The following MAST4 variants were observed in gnomAD, a reference collection of about 807,000 sequenced individuals.
The protein encoded by MAST4 is microtubule-associated serine/threonine-protein kinase 4.
A neutral mutation model predicts 162.7 loss-of-function variants in MAST4; 89 were observed. The ratio of observed to expected loss-of-function variants is 0.55; its 90% CI spans 0.46 to 0.65. The LOEUF (loss-of-function observed/expected upper bound fraction) is 0.65, where lower values mean the gene tolerates loss of function less well. MAST4 is among the 30% of genes least tolerant of loss of function. The probability of loss-of-function intolerance (pLI) is 0.00; values close to 1 mark genes in which losing one functional copy is unlikely to be tolerated. For missense variants in MAST4, 3,153 were observed against 3,374.0 expected, an observed-to-expected ratio of 0.93 and a Z score of 1.62; for synonymous variants, 1,479 against 1,361.1, an observed-to-expected ratio of 1.09 and a Z score of -1.91.
At chr5:66,730,106 C>G (rs1414029782) in intron 1 of MAST4, among the ~76,000 whole-genome samples, 2 of 151,850 alleles carry the variant, frequency 1.3e-5, no homozygotes, top group East Asian at 3.9e-4. Context: ...ATGAAGGATG[C>G]CTACATGGGC....
At chr5:67,049,636 C>T (rs537226886) in intron 4 of MAST4, among the ~76,000 whole-genome samples, 17 of 152,188 alleles carry the variant, frequency 1.1e-4, no homozygotes, top group Middle Eastern at 3.4e-3. Flanking sequence ...CCAGAATTAC[C>T]GGGGCCCCTC....
chr5:66,789,722 C>CTCCACTGTAG, intron 3 of MAST4: 1 of 518,866 alleles, frequency 1.9e-6, no homozygotes, highest in Middle Eastern at 3.2e-4. Flanking sequence ...TGCCTGATTT[C>CTCCACTGTAG]TCCACTGTAG....
At chr5:67,115,040 C>T (rs772605495) in intron 12 of MAST4, 18 of 122,258 alleles carry the variant, frequency 1.5e-4, no homozygotes, top group Non-Finnish European at 2.1e-4. Flanking sequence ...AGTGAAACTC[C>T]GACTCAAAAA....
intron 4 of MAST4, among the ~76,000 whole-genome samples, chr5:66,994,285 A>G (rs1750384989): frequency 6.6e-6 from 1 of 151,838 alleles, no homozygotes; most frequent in African/African-American, 2.4e-5. Flanking sequence ...TTATTTTCCA[A>G]TTTTCCAATC....
Position 67,136,654 on chromosome 5 carries a change from G to C in MAST4, c.2484G>C (p.Arg828Ser). ...TLLLRQNPLE[R>S]LGTGGAYEVK... Reference sequence around the variant, plus strand: ...TCCTCAGGCAGAATCCCCTGGAGAGGCTGGGAACAGGTTAGAGCCCATGTG... The same window carrying C: ...TCCTCAGGCAGAATCCCCTGGAGAGCCTGGGAACAGGTTAGAGCCCATGTG... The change falls in exon 19 of 29, where the codon AGG becomes AGC. Residue 828 changes from arginine (R) to serine (S), a missense_variant. This residue lies in a region of MAST4 where 62 missense variants were observed against 63.1 expected (regional missense o/e 0.98). Coordinates refer to ENST00000403625, the MANE Select transcript of MAST4 (RefSeq NM_001164664.2). 1 of 1,596,318 alleles carries C rather than the reference G, an allele frequency of 6.3e-7. No individual in the cohort carries two copies. Among genetic ancestry groups the C allele is most frequent in the Non-Finnish European group, 8.5e-7 (1 of 1,170,766 alleles).
Position 67,163,070 on chromosome 5 carries a change from T to C in MAST4, c.3968-77T>C, listed in dbSNP as rs1307277535. Reference sequence around the variant, plus strand: ...GCTGATCTTACCTGGCCTTACCTAATACAGTCTGGGCTACAACTGTGAAAA... The same window carrying C: ...GCTGATCTTACCTGGCCTTACCTAACACAGTCTGGGCTACAACTGTGAAAA... On this transcript the variant is annotated intron_variant, in intron 28 of 28. Transcript: ENST00000403625. The surrounding 1 kb of genome is among the most constrained non-coding windows in gnomAD (Gnocchi z 7.0). 16 of 1,466,556 alleles carry C rather than the reference T, an allele frequency of 1.1e-5. No individual in the cohort carries two copies. The highest frequency in any genetic ancestry group is 1.4e-5 in the Non-Finnish European group (15 of 1,081,606). The allele number at this position is 1,466,556 out of a possible 1,614,324, so 90.8% of individuals were successfully genotyped here. A position where few individuals can be genotyped will look rare whatever the true frequency, so the allele number is the denominator to read the frequency against.
chr5:67,128,274 G>C (rs1768504434), intron 14 of MAST4, among the ~76,000 whole-genome samples: 1 of 152,172 alleles, frequency 6.6e-6, no homozygotes, highest in East Asian at 1.9e-4. Flanking sequence ...CACTCAAAAT[G>C]GTGGGAGCCC....
chr5:67,098,060 C>A (rs1764649706), intron 7 of MAST4, among the ~76,000 whole-genome samples: 1 of 152,074 alleles, frequency 6.6e-6, no homozygotes, highest in Non-Finnish European at 1.5e-5. Flanking sequence ...TTTAGCCAAT[C>A]AGAAATTTAC....
intron 1 of MAST4, among the ~76,000 whole-genome samples, chr5:66,619,106 G>A (rs1369462422): frequency 2.0e-5 from 3 of 152,128 alleles, no homozygotes; most frequent in Non-Finnish European, 2.9e-5. Flanking sequence ...AATACTTTTT[G>A]GTCATTTGTT....
chr5:67,136,131 TGAG>T (rs1434818435), intron 18 of MAST4, among the ~76,000 whole-genome samples: 1 of 152,166 alleles, frequency 6.6e-6, no homozygotes, highest in African/African-American at 2.4e-5. Flanking sequence ...AATTCTCAGT[TGAG>T]GAAATTAAGA....
intron 4 of MAST4, among the ~76,000 whole-genome samples, chr5:66,927,497 C>G (rs1019030852): frequency 4.6e-5 from 7 of 152,178 alleles, no homozygotes; most frequent in African/African-American, 1.7e-4. Context: ...ATGGAGGGGC[C>G]ATGTGCCTGT....
chr5:66,644,391 A>G (rs184220614), intron 1 of MAST4, among the ~76,000 whole-genome samples: 1 of 152,324 alleles, frequency 6.6e-6, no homozygotes, highest in African/African-American at 2.4e-5. Flanking sequence ...GTGCCAATCA[A>G]AGTCTATGCT....
At chr5:66,824,564 GGGTAACATC>G (rs1339142860) in intron 3 of MAST4, among the ~76,000 whole-genome samples, 1 of 152,234 alleles carries the variant, frequency 6.6e-6, no homozygotes, top group Non-Finnish European at 1.5e-5. Context: ...ACTGAAGAAT[GGGTAACATC>G]GGAAGATTTG....
At chr5:66,836,031 TGTG>T (rs1023607555) in intron 3 of MAST4, among the ~76,000 whole-genome samples, 6 of 151,986 alleles carry the variant, frequency 3.9e-5, no homozygotes, top group African/African-American at 7.2e-5. Flanking sequence ...ATTAGCCAGA[TGTG>T]GTGGTGTGCA....
rs146385195 is a variant in MAST4 at position 66,692,172 on chromosome 5, C to T, written c.364-67537C>T. Reference sequence around the variant, plus strand: ...ACTCTCACTCATGTGCTCTGTCTCTCGCTCGCTTGCTCTCTCTCGACCTCT... The same window carrying T: ...ACTCTCACTCATGTGCTCTGTCTCTTGCTCGCTTGCTCTCTCTCGACCTCT... On this transcript the variant is annotated intron_variant, in intron 1 of 28. Coordinates refer to ENST00000403625, the MANE Select transcript of MAST4 (RefSeq NM_001164664.2). Among the ~76,000 whole-genome samples, 124 of 152,268 alleles carry T rather than the reference C, an allele frequency of 8.1e-4. 1 individual carries two copies. The highest frequency in any genetic ancestry group is 2.8e-3 in the African/African-American group (118 of 41,562).
Position 66,753,340 on chromosome 5 carries a change from CA to C in MAST4, c.364-6363del, listed in dbSNP as rs1580369277. On this transcript the variant is annotated intron_variant, in intron 1 of 28. Transcript: ENST00000403625. ...GGAAATAGAGACACAAAAAACCCTT[CA>C]AAAAATTAATGAATCCAGGAGCTGG... 2.0e-5 allele frequency among the ~76,000 whole-genome samples: 3 copies of C among 151,736 alleles called. No homozygotes were observed. The East Asian group carries it at 5.8e-4, about 30-fold the overall frequency.
intron 3 of MAST4, among the ~76,000 whole-genome samples, chr5:66,858,179 A>G (rs1420877309): frequency 6.6e-6 from 1 of 151,960 alleles, no homozygotes; most frequent in East Asian, 1.9e-4. Flanking sequence ...CTTAGTAGAG[A>G]CAGATTTTAC....
In MAST4 at chr5:67,133,935, G is replaced by A. The variant is rs1769297666; in HGVS notation, c.2226+289G>A. Among the ~76,000 whole-genome samples the A allele has an allele frequency of 2.0e-5, 3 of 152,152 alleles. No homozygotes were observed. The South Asian group carries it at 6.2e-4, about 32-fold the overall frequency. On this transcript the variant is annotated intron_variant, in intron 17 of 28. Coordinates refer to ENST00000403625, the MANE Select transcript of MAST4 (RefSeq NM_001164664.2). ...GAGAGACAAATGGAATACTGTTTTT[G>A]TAAGGAATTCAGGAGTCTCAGTAGA...
chr5:66,831,410 T>G (rs1757586495), intron 3 of MAST4, among the ~76,000 whole-genome samples: 1 of 152,196 alleles, frequency 6.6e-6, no homozygotes, highest in Non-Finnish European at 1.5e-5. Context: ...GTCAAAAATC[T>G]GGAGTATACA....
Sources: allele counts gnomAD v4.1 joint callset (sites outside exome capture counted in the v4.1 genomes callset), GRCh38; gene constraint gnomAD v4.1.1; regional missense constraint gnomAD v4.1.1; non-coding constraint Gnocchi (gnomAD v3.1); transcripts MANE v1.5; gene names NCBI Gene and HGNC (gene_info 2026-07-23, HGNC 2026-07-21).